Variants in IZUMO2 observed in about 807,000 individuals in gnomAD.
The protein encoded by IZUMO2 is IZUMO family member 2.
Under a neutral mutation model 31.2 loss-of-function variants are expected in IZUMO2, and 24 were observed. That is an observed-to-expected ratio of 0.77 (90% confidence interval 0.56 to 1.08). The LOEUF (loss-of-function observed/expected upper bound fraction) is 1.08. Among genes scored for constraint, IZUMO2 ranks in the 50% least tolerant of loss-of-function variants. The pLI is 0.00. For missense variants in IZUMO2, 278 were observed against 274.0 expected (o/e 1.01, Z -0.10); for synonymous variants, 144 against 117.3 (o/e 1.23, Z -1.47).
intron 6 of IZUMO2, among the ~76,000 whole-genome samples, chr19:50,154,060 G>T (rs184903598): frequency 2.0e-5 from 3 of 149,972 alleles, no homozygotes; most frequent in Admixed American, 1.3e-4. Context: ...TAAGCTTAGA[G>T]GGGGAGAGGA....
intron 6 of IZUMO2, 96 bp from the exon 7 acceptor site, chr19:50,152,747 A>G (rs2123042278): frequency 9.2e-7 from 1 of 1,090,828 alleles, no homozygotes; most frequent in Non-Finnish European, 1.4e-6. Context: ...CTTTCCTACA[A>G]TCTTTGGCCT....
At chr19:50,162,871 AC>A in intron 1 of IZUMO2, 58 bp from the exon 2 acceptor site, 1 of 1,601,060 alleles carries the variant, frequency 6.2e-7, no homozygotes, top group South Asian at 1.1e-5. Context: ...AAGTGACCTC[AC>A]CCCCTCCAGG....
At chr19:50,159,398 G>A in intron 3 of IZUMO2, 96 bp downstream of exon 3, 1 of 1,225,468 alleles carries the variant, frequency 8.2e-7, no homozygotes. Flanking sequence ...GAGCTATAGG[G>A]GAGGTGAAGA....
intron 4 of IZUMO2, 90 bp downstream of exon 4, chr19:50,159,140 T>C (rs754738748): frequency 7.7e-7 from 1 of 1,301,250 alleles, no homozygotes; most frequent in Non-Finnish European, 1.1e-6. Context: ...CCAAATGGAG[T>C]AAGGAGTGGT....
At chr19:50,154,162 G>T (rs1446805176) in intron 6 of IZUMO2, among the ~76,000 whole-genome samples, 1 of 149,254 alleles carries the variant, frequency 6.7e-6, no homozygotes, top group Non-Finnish European at 1.5e-5. Context: ...GAAGATAAAT[G>T]AATATAACAA....
rs528814213 is a variant in IZUMO2, at chr19:50,158,277, A to G, written c.487T>C (p.Tyr163His). Residue 163 changes from tyrosine (Y) to histidine (H), a missense_variant, in exon 5 of 7, where the codon TAC (tyrosine) becomes CAC (histidine). Coordinates refer to ENST00000293405, the MANE Select transcript of IZUMO2 (RefSeq NM_152358.3). ...ACCCCCAGAAGCTTACCAAAGCAGT[A>G]CTTTTTGTGGATACACTTGGGAGTG... ...RITPKCIHKK[Y>H]CFVDRQPRVA... The G allele has an allele frequency of 6.2e-7, 1 of 1,607,632 alleles. No individual in the cohort carries two copies. Among genetic ancestry groups the G allele is most frequent in the Non-Finnish European group, 8.5e-7 (1 of 1,175,556 alleles).
chr19:50,160,958 C>CT (rs1474767340), intron 2 of IZUMO2, among the ~76,000 whole-genome samples: 1 of 152,036 alleles, frequency 6.6e-6, no homozygotes, highest in East Asian at 1.9e-4. Context: ...AATTGGATGT[C>CT]TAAGAGGCAT....
At position 50,162,798 on chromosome 19, in the gene IZUMO2, T is replaced by G; in HGVS notation, c.248A>C (p.Asp83Ala). ...FVGKVETNQL[D>A]LVASFVKNQT... ...GTTCTTGACAAAGGACGCCACAAGG[T>G]CCAGTTGATTTGTCTCTGGGGGGAG... Residue 83 changes from aspartate (D) to alanine (A), a missense_variant, in exon 2 of 7, where the codon GAC becomes GCC. By Grantham distance (126) the Asp-to-Ala change is moderately radical. Transcript: ENST00000293405. 6.2e-7 allele frequency: 1 copy of G among 1,613,618 alleles called. No individual in the cohort carries two copies. The highest frequency in any genetic ancestry group is 1.3e-5 in the African/African-American group (1 of 74,922).
At chr19:50,159,829 T>C in intron 2 of IZUMO2, 3 of 400,166 alleles carry the variant, frequency 7.5e-6, no homozygotes, top group Non-Finnish European at 1.4e-5. Flanking sequence ...GCAAGTGGAT[T>C]TGATCTCTCT....
chr19:50,155,335 C>G (rs886076867), intron 5 of IZUMO2, among the ~76,000 whole-genome samples: 6 of 152,136 alleles, frequency 3.9e-5, no homozygotes, highest in African/African-American at 1.4e-4. Flanking sequence ...GAGGTTGAGG[C>G]TGCCGTGAGC....
At chr19:50,160,795 A>C (rs754187986) in intron 2 of IZUMO2, 2 of 151,956 alleles carry the variant, frequency 1.3e-5, no homozygotes, top group Admixed American at 6.6e-5. Flanking sequence ...TAGAAAATTT[A>C]AAATTGCATA....
intron 5 of IZUMO2, among the ~76,000 whole-genome samples, chr19:50,155,786 C>T (rs1181103488): frequency 1.3e-5 from 2 of 152,280 alleles, no homozygotes; most frequent in Middle Eastern, 3.4e-3. Context: ...TACTCCATGG[C>T]CCCCCATCTC....
intron 5 of IZUMO2, among the ~76,000 whole-genome samples, chr19:50,158,060 T>C (rs2123055126): frequency 6.6e-6 from 1 of 152,312 alleles, no homozygotes; most frequent in Non-Finnish European, 1.5e-5. Context: ...AGGGGCATTC[T>C]AAAGTTCCAG....
At chr19:50,154,279 T>TTTG (rs2030134348) in intron 6 of IZUMO2, among the ~76,000 whole-genome samples, 1 of 138,026 alleles carries the variant, frequency 7.2e-6, no homozygotes, top group Non-Finnish European at 1.6e-5. Context: ...TTTTTTTTTT[T>TTTG]TTTTTTTTTT....
chr19:50,159,094 C>A (rs2030308103), intron 4 of IZUMO2, 136 bp downstream of exon 4: 2 of 788,652 alleles, frequency 2.5e-6, no homozygotes. Context: ...AAAAGCAAAT[C>A]TCCCTAGGTA....
At chr19:50,156,045 C>G (rs2030202637) in intron 5 of IZUMO2, among the ~76,000 whole-genome samples, 1 of 152,138 alleles carries the variant, frequency 6.6e-6, no homozygotes, top group African/African-American at 2.4e-5. Context: ...TTAGAGGTGC[C>G]CTACATCCGT....
chr19:50,152,843 G>C lies in IZUMO2; in HGVS notation c.624-192C>G, dbSNP rs190228637. 5.3e-5 allele frequency among the ~76,000 whole-genome samples: 8 copies of C among 152,238 alleles called. No homozygotes were observed. The East Asian group carries it at 1.5e-3, about 29-fold the overall frequency. On this transcript the variant is annotated intron_variant, in intron 6 of 6. Transcript: ENST00000293405. ...CCGGAGTTGGTGAGGAGAGAGGAGAGAAGAGCTGGGACCAGGGGTGATGGT... is the reference window on the plus strand; with the variant it reads ...CCGGAGTTGGTGAGGAGAGAGGAGACAAGAGCTGGGACCAGGGGTGATGGT...
intron 5 of IZUMO2, among the ~76,000 whole-genome samples, chr19:50,156,651 G>A (rs1036408405): frequency 5.3e-5 from 8 of 151,190 alleles, no homozygotes; most frequent in African/African-American, 1.5e-4. Flanking sequence ...TAGGCCGGGT[G>A]CAGTGACTCA....
intron 5 of IZUMO2, 48 bp downstream of exon 5, chr19:50,158,220 A>G (rs774360003): frequency 7.9e-7 from 1 of 1,262,988 alleles, no homozygotes; most frequent in Non-Finnish European, 1.1e-6. Context: ...GGCTGTCTTC[A>G]TCTCTTGCAC....
Sources: allele counts gnomAD v4.1 joint callset (sites outside exome capture counted in the v4.1 genomes callset), GRCh38; gene constraint gnomAD v4.1.1; transcripts MANE v1.5; gene names NCBI Gene and HGNC (gene_info 2026-07-23, HGNC 2026-07-21).